Variants in QSER1 observed in about 807,000 individuals in gnomAD.
QSER1 encodes the protein glutamine and serine rich 1.
In QSER1, 49 loss-of-function variants were observed where a neutral mutation model predicts 158.5. The ratio of observed to expected loss-of-function variants is 0.31; its 90% confidence interval spans 0.25 to 0.39. QSER1 has a LOEUF of 0.39. QSER1 is among the 10% of genes least tolerant of loss of function. The pLI is 1.00. For missense variants in QSER1, 1,754 were observed against 2,010.3 expected, an observed-to-expected ratio of 0.87 and a Z score of 2.44; for synonymous variants, 650 against 715.5, an observed-to-expected ratio of 0.91 and a Z score of 1.46.
At chr11:32,951,904 C>A (rs923617844) in intron 4 of QSER1, among the ~76,000 whole-genome samples, 2 of 144,612 alleles carry the variant, frequency 1.4e-5, no homozygotes, top group Non-Finnish European at 3.0e-5. Context: ...GTGGTGAGAT[C>A]GTGGCTCACT....
chr11:32,924,560 C>CAAA (rs371281813), intron 1 of QSER1, among the ~76,000 whole-genome samples: 14 of 58,476 alleles, frequency 2.4e-4, no homozygotes, highest in Admixed American at 7.8e-4. Context: ...GACCCTGTCT[C>CAAA]AAAAAAAAAA....
chr11:32,924,657 A>G (rs907765954), intron 1 of QSER1, among the ~76,000 whole-genome samples: 3 of 152,072 alleles, frequency 2.0e-5, no homozygotes, highest in Non-Finnish European at 2.9e-5. Flanking sequence ...CTCCCAATAC[A>G]TATATTTGAG....
chr11:32,961,063 G>T (rs114028817), intron 8 of QSER1, among the ~76,000 whole-genome samples: 1 of 151,996 alleles, frequency 6.6e-6, no homozygotes, highest in Non-Finnish European at 1.5e-5. Flanking sequence ...TTAATGTGAG[G>T]TGTTTTTTTT....
chr11:32,902,454 A>G (rs979976130), intron 1 of QSER1, among the ~76,000 whole-genome samples: 4 of 152,296 alleles, frequency 2.6e-5, no homozygotes, highest in African/African-American at 9.6e-5. Context: ...AGATTTTGAG[A>G]ACCACTGACC....
chr11:32,961,830 A>G (rs879883994), intron 8 of QSER1, among the ~76,000 whole-genome samples: 2 of 152,180 alleles, frequency 1.3e-5, no homozygotes, highest in African/African-American at 4.8e-5. Flanking sequence ...ATATATCATA[A>G]CTTCATTCCT....
chr11:32,933,068 T>C lies in QSER1; in HGVS notation c.1810T>C (p.Tyr604His), dbSNP rs375535257. Reference sequence around the variant, plus strand: ...AACATTAACAGCCCCTTCTCTTTCTTATTCTTCTGCCTCTCGGGCTCAGAA... The same window carrying C: ...AACATTAACAGCCCCTTCTCTTTCTCATTCTTCTGCCTCTCGGGCTCAGAA... ...SLTLTAPSLS[Y>H]SSASRAQNLP... The change falls in exon 4 of 13, where the codon TAT (tyrosine) becomes CAT (histidine). Residue 604 changes from tyrosine to histidine, a missense_variant. By Grantham distance (83) the Tyr-to-His change is moderately conservative. Transcript: ENST00000650167. The C allele has an allele frequency of 1.7e-5, 27 of 1,613,602 alleles. No homozygotes were observed. In the African/African-American group the frequency reaches 3.5e-4, roughly 21 times the overall value.
intron 1 of QSER1, among the ~76,000 whole-genome samples, chr11:32,920,120 C>T (rs1851882527): frequency 6.6e-6 from 1 of 152,186 alleles, no homozygotes; most frequent in Non-Finnish European, 1.5e-5. Flanking sequence ...AATCTGGGCA[C>T]TAGGTATGTT....
chr11:32,899,239 T>G (rs184310407), intron 1 of QSER1, among the ~76,000 whole-genome samples: 204 of 152,344 alleles, frequency 1.3e-3, no homozygotes, highest in African/African-American at 4.4e-3. Context: ...CATACTTATA[T>G]CATGAAAGCC....
At chr11:32,955,275 C>A in intron 5 of QSER1, 21 bp from the exon 6 acceptor site, 1 of 1,261,296 alleles carries the variant, frequency 7.9e-7, no homozygotes, top group South Asian at 1.3e-5. Context: ...TTGTAAGTAT[C>A]ATTAATTCTG....
chr11:32,967,550 A>G (rs1295786856), intron 9 of QSER1, among the ~76,000 whole-genome samples: 2 of 152,218 alleles, frequency 1.3e-5, no homozygotes, highest in South Asian at 2.1e-4. Context: ...TTATGGAACC[A>G]CCATTGTATA....
chr11:32,910,629 T>G (rs564306001), intron 1 of QSER1, among the ~76,000 whole-genome samples: 1 of 152,206 alleles, frequency 6.6e-6, no homozygotes, highest in Non-Finnish European at 1.5e-5. Flanking sequence ...GAGACTTAAG[T>G]TGAAATTTTC....
At chr11:32,905,116 G>T (rs922141422) in intron 1 of QSER1, among the ~76,000 whole-genome samples, 2 of 152,288 alleles carry the variant, frequency 1.3e-5, no homozygotes, top group Middle Eastern at 3.4e-3. Flanking sequence ...CGTGTAGCTT[G>T]TCCTATGTTG....
At chr11:32,960,374 C>T (rs1357005170) in intron 8 of QSER1, among the ~76,000 whole-genome samples, 3 of 151,742 alleles carry the variant, frequency 2.0e-5, no homozygotes, top group Non-Finnish European at 4.4e-5. Context: ...CTGGCCAACA[C>T]GGTGAAACCC....
Position 32,933,162 on chromosome 11 carries a change from A to T in QSER1, c.1904A>T (p.Glu635Val), listed in dbSNP as rs1564934364. 1.9e-6 allele frequency: 3 copies of T among 1,613,738 alleles called. No individual in the cohort carries two copies. The highest frequency in any genetic ancestry group is 4.5e-5 in the East Asian group (2 of 44,886). The change falls in exon 4 of 13, where the codon GAG becomes GTG. Residue 635 changes from glutamate to valine, a missense_variant. Glu to Val is a moderately radical substitution (Grantham distance 121, BLOSUM62 -2). Transcript: ENST00000650167. ...TCTTCCCAAAATGTTCAGACTCAAGAGTCATCATCTCCCCAGTCCCAGAAG... is the reference window on the plus strand; with the variant it reads ...TCTTCCCAAAATGTTCAGACTCAAGTGTCATCATCTCCCCAGTCCCAGAAG... ...MHSSQNVQTQ[E>V]SSSPQSQKFL...
intron 4 of QSER1, among the ~76,000 whole-genome samples, chr11:32,942,455 A>T: frequency 1.4e-5 from 2 of 147,998 alleles, no homozygotes; most frequent in African/African-American, 5.0e-5. Flanking sequence ...ACATATGGCT[A>T]GCCAGTTTTC....
At position 32,953,962 on chromosome 11, in the gene QSER1, C is replaced by A. The variant is rs746084351; in HGVS notation, c.4283C>A (p.Thr1428Asn). 2.5e-6 allele frequency: 4 copies of A among 1,614,186 alleles called. No homozygotes were observed. The South Asian group carries it at 4.4e-5, about 18-fold the overall frequency. Residue 1428 changes from threonine (T) to asparagine (N), a missense_variant, in exon 5 of 13, where the codon ACT becomes AAT. Physicochemically the swap from Thr to Asn is moderately conservative, Grantham distance 65. Transcript: ENST00000650167. ...GTTAAGCAAGAACCTCTCCACTCTA[C>A]TTCATATGCAGTAAATATTCTGGAA... ...GAVKQEPLHSTSYAVNILENI... is the reference protein window; with the variant it reads ...GAVKQEPLHSNSYAVNILENI...
chr11:32,965,644 G>T (rs1465205428), intron 8 of QSER1, among the ~76,000 whole-genome samples: 1 of 152,050 alleles, frequency 6.6e-6, no homozygotes, highest in African/African-American at 2.4e-5. Context: ...CTGGTGTTGG[G>T]CTTCAGAATC....
chr11:32,970,968 T>TTTG, intron 10 of QSER1, among the ~76,000 whole-genome samples: 1 of 146,596 alleles, frequency 6.8e-6, no homozygotes, highest in East Asian at 2.0e-4. Flanking sequence ...TTTTTTTTTT[T>TTTG]TTGAGACAGA....
intron 4 of QSER1, among the ~76,000 whole-genome samples, chr11:32,951,059 T>C (rs1564941336): frequency 6.6e-6 from 1 of 152,212 alleles, no homozygotes; most frequent in Non-Finnish European, 1.5e-5. Flanking sequence ...ATGGCCAAAC[T>C]ATTTTCCAAT....
Sources: gnomAD v4.1 joint callset for allele counts (sites outside exome capture counted in the v4.1 genomes callset) on GRCh38, gnomAD v4.1.1 for gene constraint, MANE v1.5 for transcripts, NCBI Gene and HGNC (gene_info 2026-07-23, HGNC 2026-07-21) for gene names.